The following GSE1 variants were observed in gnomAD, a reference collection of about 807,000 sequenced individuals.
The protein encoded by GSE1 is Gse1 coiled-coil protein.
A neutral mutation model predicts 112.6 loss-of-function variants in GSE1; 32 were observed. That is an observed-to-expected ratio of 0.28 (90% CI 0.21 to 0.38). The LOEUF (loss-of-function observed/expected upper bound fraction) is 0.38, where lower values mean the gene tolerates loss of function less well. Ranked by LOEUF, GSE1 falls within the 10% of genes least tolerant of loss-of-function variation. GSE1 has a pLI of 1.00. For synonymous variants in GSE1, 1,115 were observed against 735.6 expected, an observed-to-expected ratio of 1.52 and a Z score of -8.35; for missense variants, 2,348 against 1,699.2, an observed-to-expected ratio of 1.38 and a Z score of -6.71.
intron 2 of GSE1, among the ~76,000 whole-genome samples, chr16:85,641,046 T>C (rs904568668): frequency 6.6e-6 from 1 of 152,214 alleles, no homozygotes; most frequent in Non-Finnish European, 1.5e-5. Context: ...GTACTTGGCG[T>C]GTCAGCCTTT....
Position 85,648,535 on chromosome 16 carries a change from C to A in GSE1, c.227-17C>A. ...TCACTGCGGCTCCCACTCAGGCCACCGTCTTCTCCTCCACAGGGTCCTCAC... is the reference window on the plus strand; with the variant it reads ...TCACTGCGGCTCCCACTCAGGCCACAGTCTTCTCCTCCACAGGGTCCTCAC... On this transcript the variant is annotated splice_polypyrimidine_tract_variant and intron_variant, in intron 2 of 15. Transcript: ENST00000253458. The A allele has an allele frequency of 1.4e-6, 2 of 1,437,534 alleles. No homozygotes were observed. Among genetic ancestry groups the A allele is most frequent in the Non-Finnish European group, 1.9e-6 (2 of 1,068,272 alleles). 89.0% of individuals were successfully genotyped at this position (1,437,534 alleles called of 1,614,324 possible). A position where few individuals can be genotyped will look rare whatever the true frequency, so the allele number is the denominator to read the frequency against.
At chr16:85,664,643 C>T (rs747732354) in intron 11 of GSE1, 1 of 180,898 alleles carries the variant, frequency 5.5e-6, no homozygotes, top group Non-Finnish European at 1.2e-5. Context: ...GGCACCCTGC[C>T]TCAGAGGCCA....
intron 1 of GSE1, among the ~76,000 whole-genome samples, chr16:85,316,189 G>GT (rs1365596745): frequency 2.0e-5 from 3 of 152,204 alleles, no homozygotes; most frequent in Non-Finnish European, 4.4e-5. Flanking sequence ...TCCATTTTCA[G>GT]TTTCCTACTA....
At chr16:85,219,861 G>T (rs979272767) in intron 1 of GSE1, among the ~76,000 whole-genome samples, 16 of 152,240 alleles carry the variant, frequency 1.1e-4, no homozygotes, top group African/African-American at 3.4e-4. Flanking sequence ...TTTGTTTCTG[G>T]CCTGGGCCAG....
chr16:85,662,759 G>A (rs749403291), intron 9 of GSE1: 1 of 538,598 alleles, frequency 1.9e-6, no homozygotes, highest in Non-Finnish European at 3.3e-6. Flanking sequence ...CAGCTACTGG[G>A]AGCCATGGAT....
intron 1 of GSE1, among the ~76,000 whole-genome samples, chr16:85,278,230 G>C (rs1206000606): frequency 6.6e-6 from 1 of 152,204 alleles, no homozygotes; most frequent in Non-Finnish European, 1.5e-5. Flanking sequence ...GCTGTCCTCT[G>C]ACCCAGGCCC....
chr16:85,592,478 TC>T (rs1327585848), intron 1 of GSE1: 8 of 152,214 alleles, frequency 5.3e-5, no homozygotes, highest in African/African-American at 1.9e-4. Context: ...TGACGCTGTT[TC>T]CAAGTCACAG....
intron 1 of GSE1, among the ~76,000 whole-genome samples, chr16:85,187,966 C>T (rs61243281): frequency 6.6e-6 from 1 of 152,230 alleles, no homozygotes; most frequent in African/African-American, 2.4e-5. Context: ...CCTGGACCAC[C>T]CTGGCCTTGT....
chr16:85,612,665 C>T (rs944853639), upstream of GSE1, among the ~76,000 whole-genome samples: 2 of 148,040 alleles, frequency 1.4e-5, no homozygotes, highest in African/African-American at 5.0e-5. Flanking sequence ...TCTTAGTATT[C>T]AGCCTTTTCT....
chr16:85,469,865 G>A (rs1249418930), intron 2 of GSE1, among the ~76,000 whole-genome samples: 3 of 152,264 alleles, frequency 2.0e-5, no homozygotes, highest in Non-Finnish European at 2.9e-5. Context: ...CACCACGAGT[G>A]GGAGGCAAGG....
At chr16:85,576,219 G>A (rs960119675) in intron 1 of GSE1, among the ~76,000 whole-genome samples, 6 of 152,128 alleles carry the variant, frequency 3.9e-5, no homozygotes, top group Admixed American at 3.3e-4. Context: ...TTTATGGTGC[G>A]TCCTTAATAC....
intron 1 of GSE1, 23 bp downstream of exon 1, chr16:85,613,421 G>T: frequency 1.3e-6 from 2 of 1,547,530 alleles, no homozygotes; most frequent in Non-Finnish European, 1.7e-6. Context: ...CACCCGGCCG[G>T]GGACGGGGTC....
chr16:85,279,033 A>T (rs1188312222), intron 1 of GSE1: 4 of 152,392 alleles, frequency 2.6e-5, no homozygotes, highest in Non-Finnish European at 5.9e-5. Context: ...AAGCACTGGA[A>T]GCTTTGGCGG....
chr16:85,329,131 C>T (rs568197267), intron 1 of GSE1, among the ~76,000 whole-genome samples: 5 of 152,254 alleles, frequency 3.3e-5, no homozygotes, highest in East Asian at 1.9e-4. Flanking sequence ...GCTCCCTGGG[C>T]CCCCCAGAAA....
chr16:85,566,613 G>C (rs529924811), intron 1 of GSE1, among the ~76,000 whole-genome samples: 163 of 152,338 alleles, frequency 1.1e-3, no homozygotes, highest in African/African-American at 3.6e-3. Context: ...CAGGCCCACA[G>C]CCAGTGCCCC....
upstream of GSE1, among the ~76,000 whole-genome samples, chr16:85,552,259 T>G (rs2044953799): frequency 1.3e-5 from 2 of 149,688 alleles, no homozygotes; most frequent in African/African-American, 4.9e-5. Context: ...TCTCCTGACC[T>G]CGTGATCCGT....
At chr16:85,492,612 G>A (rs1398529441) in intron 2 of GSE1, among the ~76,000 whole-genome samples, 1 of 152,184 alleles carries the variant, frequency 6.6e-6, no homozygotes, top group African/African-American at 2.4e-5. Context: ...GCTTGTCTGA[G>A]GCTCCACAGC....
intron 4 of GSE1, among the ~76,000 whole-genome samples, 170 bp downstream of exon 4, chr16:85,654,620 G>A (rs2051745216): frequency 2.0e-5 from 3 of 152,152 alleles, no homozygotes; most frequent in Admixed American, 6.5e-5. Context: ...TTCACACTGA[G>A]GTGGCAGTGG....
intron 2 of GSE1, among the ~76,000 whole-genome samples, chr16:85,464,296 A>G (rs2151830766): frequency 6.6e-6 from 1 of 151,880 alleles, no homozygotes; most frequent in South Asian, 2.1e-4. Flanking sequence ...ATCCCTGTCC[A>G]TCAGATGTCG....
Sources: gnomAD v4.1 joint callset for allele counts (sites outside exome capture counted in the v4.1 genomes callset) on GRCh38, gnomAD v4.1.1 for gene constraint, MANE v1.5 for transcripts, NCBI Gene and HGNC (gene_info 2026-07-23, HGNC 2026-07-21) for gene names.